The following RBM47 variants were observed in gnomAD, a reference collection of about 807,000 sequenced individuals.
The protein encoded by RBM47 is RNA-binding protein 47.
A neutral mutation model predicts 47.1 loss-of-function variants in RBM47; 21 were observed. That is an observed-to-expected ratio of 0.45 (90% CI 0.32 to 0.64). The LOEUF (loss-of-function observed/expected upper bound fraction) is 0.64. Among genes scored for constraint, RBM47 ranks in the 30% least tolerant of loss-of-function variants. The pLI, the probability that RBM47 is intolerant of heterozygous loss-of-function variation, is 0.05. For synonymous variants in RBM47, 375 were observed against 361.7 expected (o/e 1.04, Z -0.42); for missense variants, 708 against 870.9 (o/e 0.81, Z 2.35).
chr4:40,623,037 C>T (rs1737408745), intron 1 of RBM47, among the ~76,000 whole-genome samples: 1 of 152,180 alleles, frequency 6.6e-6, no homozygotes, highest in Non-Finnish European at 1.5e-5. Context: ...AAGGGCAAGA[C>T]CTTTCATACA....
intron 2 of RBM47, among the ~76,000 whole-genome samples, chr4:40,519,734 A>C (rs182509549): frequency 1.3e-3 from 185 of 144,242 alleles, no homozygotes; most frequent in African/African-American, 4.6e-3. Flanking sequence ...TAGTGGCTCA[A>C]TCTTGGCTCA....
At chr4:40,431,502 C>T (rs887759127) in intron 6 of RBM47, among the ~76,000 whole-genome samples, 2 of 151,654 alleles carry the variant, frequency 1.3e-5, no homozygotes, top group African/African-American at 2.4e-5. Flanking sequence ...ACTAAAAATA[C>T]AAAAAATTAG....
chr4:40,573,485 G>A (rs1351589342), intron 1 of RBM47, among the ~76,000 whole-genome samples: 1 of 152,006 alleles, frequency 6.6e-6, no homozygotes, highest in African/African-American at 2.4e-5. Context: ...GATTATGCCT[G>A]TAATCCCAGC....
intron 1 of RBM47, among the ~76,000 whole-genome samples, chr4:40,621,619 C>G (rs1261019255): frequency 1.3e-5 from 2 of 152,116 alleles, no homozygotes; most frequent in African/African-American, 4.8e-5. Context: ...TTTGTCTTGA[C>G]AGTTACTTTC....
intron 1 of RBM47, among the ~76,000 whole-genome samples, chr4:40,610,641 C>A (rs1024272357): frequency 1.1e-4 from 16 of 151,068 alleles, no homozygotes; most frequent in African/African-American, 3.7e-4. Flanking sequence ...AGAACAGGAC[C>A]AAGCACATAA....
At chr4:40,526,639 TA>T in intron 2 of RBM47, among the ~76,000 whole-genome samples, 1 of 152,084 alleles carries the variant, frequency 6.6e-6, no homozygotes, top group East Asian at 1.9e-4. Flanking sequence ...AGTGGTGCCA[TA>T]ACAGCTCACT....
chr4:40,516,414 C>A (rs1444122207), intron 2 of RBM47, among the ~76,000 whole-genome samples: 2 of 152,018 alleles, frequency 1.3e-5, no homozygotes, highest in African/African-American at 4.8e-5. Context: ...CACCTGACAC[C>A]ATGCCTGGCT....
At chr4:40,540,552 T>C (rs933042705) in intron 2 of RBM47, among the ~76,000 whole-genome samples, 2 of 151,274 alleles carry the variant, frequency 1.3e-5, no homozygotes, top group African/African-American at 2.4e-5. Flanking sequence ...GGCAGGAGAA[T>C]TGCTTGAAGC....
intron 1 of RBM47, among the ~76,000 whole-genome samples, chr4:40,594,555 C>G (rs1404277240): frequency 6.6e-6 from 1 of 152,070 alleles, no homozygotes; most frequent in Non-Finnish European, 1.5e-5. Flanking sequence ...GGACCTCAAC[C>G]CTATATTCTC....
At chr4:40,619,329 G>A (rs1389505399) in intron 1 of RBM47, among the ~76,000 whole-genome samples, 1 of 152,206 alleles carries the variant, frequency 6.6e-6, no homozygotes, top group Non-Finnish European at 1.5e-5. Context: ...TTGGGAGGCT[G>A]AGGCAGGAGG....
intron 2 of RBM47, among the ~76,000 whole-genome samples, chr4:40,531,329 G>C (rs1727367525): frequency 6.6e-6 from 1 of 151,950 alleles, no homozygotes; most frequent in Admixed American, 6.6e-5. Flanking sequence ...AAAGAGGAAA[G>C]GACAAAGAGT....
intron 2 of RBM47, among the ~76,000 whole-genome samples, chr4:40,506,300 T>A (rs1577832915): frequency 6.6e-6 from 1 of 152,180 alleles, no homozygotes; most frequent in Non-Finnish European, 1.5e-5. Flanking sequence ...CCTGGGACAA[T>A]GTTCAATGTC....
At chr4:40,567,549 T>C (rs1731217302) in intron 1 of RBM47, among the ~76,000 whole-genome samples, 1 of 151,996 alleles carries the variant, frequency 6.6e-6, no homozygotes, top group African/African-American at 2.4e-5. Flanking sequence ...GCACAGAGAA[T>C]AGTCATGCAG....
intron 1 of RBM47, among the ~76,000 whole-genome samples, chr4:40,544,973 T>A (rs2154262678): frequency 6.6e-6 from 1 of 151,290 alleles, no homozygotes; most frequent in East Asian, 1.9e-4. Flanking sequence ...GGCGAGAGGA[T>A]CACTTGAGCC....
intron 2 of RBM47, among the ~76,000 whole-genome samples, chr4:40,473,160 T>G (rs2154238001): frequency 6.6e-6 from 1 of 152,354 alleles, no homozygotes. Flanking sequence ...ATGTTTATCA[T>G]GCACCAGGTA....
rs577966595 is a variant in RBM47, at chr4:40,610,047, C to T, written c.-240+19349G>A. ...CGGAGGTTGCAGTGACCCGAGATCA[C>T]GCCACTGCACTCCAGCCTGGGTGCC... On this transcript the variant is annotated intron_variant, in intron 1 of 6. Transcript: ENST00000295971. 2.6e-5 allele frequency among the ~76,000 whole-genome samples: 4 copies of T among 151,992 alleles called. No individual in the cohort carries two copies. In the East Asian group the frequency reaches 7.8e-4, roughly 30 times the overall value.
rs1484354451 is a variant in RBM47, at chr4:40,628,536, T to C, written c.-240+860A>G. 6.6e-6 allele frequency among the ~76,000 whole-genome samples: 1 copy of C among 152,242 alleles called. No individual in the cohort carries two copies. Among genetic ancestry groups the C allele is most frequent in the Non-Finnish European group, 1.5e-5 (1 of 68,040 alleles). ...ACTTCGGCAACTCCTTCATGTTGGG[T>C]TGTCAACCCTTTGCTTTCCCTCCCC... On this transcript the variant is annotated intron_variant, in intron 1 of 6. Transcript: ENST00000295971. This position sits in a 1 kb window ranked among gnomAD's most constrained non-coding sequence, Gnocchi z 4.0.
chr4:40,479,901 G>A (rs142759761), intron 2 of RBM47, among the ~76,000 whole-genome samples: 21 of 151,054 alleles, frequency 1.4e-4, no homozygotes, highest in African/African-American at 4.6e-4. Flanking sequence ...ACCAGGCACT[G>A]TTCTAAGTGT....
chr4:40,626,488 T>A (rs558643798), intron 1 of RBM47, among the ~76,000 whole-genome samples: 1 of 152,308 alleles, frequency 6.6e-6, no homozygotes, highest in African/African-American at 2.4e-5. Flanking sequence ...AGTGGTAATC[T>A]CCATGTGAGC....
Sources: allele counts gnomAD v4.1 joint callset (sites outside exome capture counted in the v4.1 genomes callset), GRCh38; gene constraint gnomAD v4.1.1; non-coding constraint Gnocchi (gnomAD v3.1); transcripts MANE v1.5; gene names NCBI Gene and HGNC (gene_info 2026-07-23, HGNC 2026-07-21).